Variants in KHDRBS1 observed in about 807,000 individuals in gnomAD.
KHDRBS1 encodes KH RNA binding domain containing, signal transduction associated 1.
A neutral mutation model predicts 48.4 loss-of-function variants in KHDRBS1; 7 were observed. The observed-to-expected ratio is 0.14, with a 90% CI of 0.08 to 0.27. The LOEUF (loss-of-function observed/expected upper bound fraction) is 0.27, where lower values mean the gene tolerates loss of function less well. Ranked by LOEUF, KHDRBS1 falls within the 10% of genes least tolerant of loss-of-function variation. The probability of loss-of-function intolerance (pLI) is 1.00; values close to 1 mark genes in which losing one functional copy is unlikely to be tolerated. For synonymous variants in KHDRBS1, 241 were observed against 235.8 expected, an observed-to-expected ratio of 1.02 and a Z score of -0.20; for missense variants, 458 against 601.2, an observed-to-expected ratio of 0.76 and a Z score of 2.49.
chr1:32,025,931 T>TATA (rs1557892025), intron 1 of KHDRBS1, among the ~76,000 whole-genome samples: 11 of 144,236 alleles, frequency 7.6e-5, no homozygotes, highest in African/African-American at 1.9e-4. Context: ...ATATATATAT[T>TATA]TATTTATTTA....
chr1:32,045,496 T>C (rs1639346238), downstream of KHDRBS1: 1 of 152,630 alleles, frequency 6.6e-6, no homozygotes, highest in South Asian at 2.1e-4. Flanking sequence ...TTAATCTTTT[T>C]TGTGGTCATT....
chr1:32,033,403 G>A, intron 4 of KHDRBS1, 69 bp downstream of exon 4: 1 of 1,585,798 alleles, frequency 6.3e-7, no homozygotes, highest in Non-Finnish European at 8.6e-7. Context: ...TGTGAAGGTA[G>A]GGGTTCTTAA....
chr1:32,030,806 A>G (rs1569789975), intron 2 of KHDRBS1, among the ~76,000 whole-genome samples: 1 of 152,040 alleles, frequency 6.6e-6, no homozygotes, highest in Non-Finnish European at 1.5e-5. Flanking sequence ...TTTTCTTACT[A>G]AAAGTTTACT....
intron 1 of KHDRBS1, among the ~76,000 whole-genome samples, chr1:32,021,751 G>GT (rs1638862632): frequency 6.6e-6 from 1 of 151,284 alleles, no homozygotes; most frequent in Non-Finnish European, 1.5e-5. Flanking sequence ...CAAGTAACTG[G>GT]GATTACAGGC....
chr1:32,028,825 ACT>A lies in KHDRBS1; in HGVS notation c.383-1469_383-1468del, dbSNP rs1256809543. On this transcript the variant is annotated intron_variant, in intron 1 of 8. Coordinates refer to ENST00000327300, the MANE Select transcript of KHDRBS1 (RefSeq NM_006559.3). ...TGGCCTATTTTTTTTTTTTTTAACT[ACT>A]CTCAGTGGATCATATAAGCTTTCAG... 1.4e-3 allele frequency among the ~76,000 whole-genome samples: 206 copies of A among 144,330 alleles called. 1 individual carries two copies. The highest frequency in any genetic ancestry group is 5.1e-3 in the African/African-American group (197 of 38,952). The allele number at this position is 144,330 out of a possible 152,430, so 94.7% of individuals were successfully genotyped here. A position where few individuals can be genotyped will look rare whatever the true frequency, so the allele number is the denominator to read the frequency against.
At chr1:32,016,064 G>A in intron 1 of KHDRBS1, among the ~76,000 whole-genome samples, 1 of 151,952 alleles carries the variant, frequency 6.6e-6, no homozygotes, top group Non-Finnish European at 1.5e-5. Flanking sequence ...TGTGATCCCA[G>A]CTACTTTGGA....
chr1:32,052,705 T>C (rs1050900707), intron 10 of KHDRBS1: 6 of 152,114 alleles, frequency 3.9e-5, no homozygotes, highest in Non-Finnish European at 8.8e-5. Context: ...CCGAGTGGTT[T>C]CTTTTCACAT....
Position 32,014,090 on chromosome 1 carries a change from A to C in KHDRBS1, c.95A>C (p.Gln32Pro). Residue 32 changes from glutamine (Q) to proline (P), a missense_variant, in exon 1 of 9, where the codon CAG becomes CCG. Coordinates refer to ENST00000327300, the MANE Select transcript of KHDRBS1 (RefSeq NM_006559.3). The part of the protein sequence containing the change: ...DPSGAHPSVR[Q>P]TPSRQPPLPH... ...TCCGGTGCCCACCCCTCGGTGCGTC[A>C]GACGCCGTCTCGGCAGCCGCCGCTG... 1.4e-6 allele frequency: 2 copies of C among 1,457,858 alleles called. No homozygotes were observed. The highest frequency in any genetic ancestry group is 1.8e-6 in the Non-Finnish European group (2 of 1,109,072). The allele number at this position is 1,457,858 out of a possible 1,614,324, so 90.3% of individuals were successfully genotyped here.
intron 7 of KHDRBS1, among the ~76,000 whole-genome samples, 193 bp from the exon 8 acceptor site, chr1:32,039,322 A>G (rs1378216901): frequency 2.0e-5 from 3 of 152,168 alleles, no homozygotes; most frequent in South Asian, 2.1e-4. Flanking sequence ...TTTCTTTGCA[A>G]TAGTTGTCAA....
intron 10 of KHDRBS1, among the ~76,000 whole-genome samples, chr1:32,055,727 G>T (rs1639473230): frequency 2.6e-5 from 4 of 152,098 alleles, no homozygotes; most frequent in Admixed American, 1.3e-4. Context: ...AGGAGCACAA[G>T]CCTATGGGGG....
At chr1:32,054,276 G>A (rs1295146914) in intron 10 of KHDRBS1, among the ~76,000 whole-genome samples, 1 of 152,128 alleles carries the variant, frequency 6.6e-6, no homozygotes, top group Non-Finnish European at 1.5e-5. Context: ...CGGCAAGGTA[G>A]GGAAAATAAG....
At chr1:32,029,957 T>G (rs1189399810) in intron 1 of KHDRBS1, among the ~76,000 whole-genome samples, 1 of 152,202 alleles carries the variant, frequency 6.6e-6, no homozygotes, top group Non-Finnish European at 1.5e-5. Context: ...TTATACTTTG[T>G]CTTGATGCAG....
intron 1 of KHDRBS1, among the ~76,000 whole-genome samples, chr1:32,028,236 A>G (rs1249919408): frequency 3.3e-5 from 5 of 152,166 alleles, no homozygotes; most frequent in Non-Finnish European, 7.4e-5. Context: ...TGGACCAGCA[A>G]TATCAGAATT....
At position 32,033,193 on chromosome 1, in the gene KHDRBS1, A is replaced by G; in HGVS notation, c.630A>G (p.Glu210=). 1 of 1,613,298 alleles carries G rather than the reference A, an allele frequency of 6.2e-7. No individual in the cohort carries two copies. The highest frequency in any genetic ancestry group is 8.5e-7 in the Non-Finnish European group (1 of 1,179,230). ...KGSMRDKAKE[E]ELRKGGDPKY... ...TTCTCTGCATTTTTCCATAGGAGGA[A>G]GAGCTGCGCAAAGGTGGAGACCCCA... The change falls in exon 4 of 9, where the codon GAA becomes GAG. Residue 210 remains glutamate (E), a synonymous_variant. Transcript: ENST00000327300.
chr1:32,016,186 G>GA (rs576956025), intron 1 of KHDRBS1, among the ~76,000 whole-genome samples: 2,005 of 84,712 alleles, frequency 0.024, 25 homozygotes, highest in African/African-American at 0.051. Context: ...CTCAAAAAAG[G>GA]AAAAAAAAAA....
chr1:32,018,369 G>T (rs1248857712), intron 1 of KHDRBS1, among the ~76,000 whole-genome samples: 2 of 152,162 alleles, frequency 1.3e-5, no homozygotes, highest in African/African-American at 4.8e-5. Context: ...GCTAAGGCAG[G>T]AAGATCATTT....
At chr1:32,033,140 G>A in intron 3 of KHDRBS1, 48 bp from the exon 4 acceptor site, 2 of 1,544,752 alleles carry the variant, frequency 1.3e-6, no homozygotes, top group Non-Finnish European at 1.8e-6. Flanking sequence ...TAAAGGTGGT[G>A]TTTTCTCCCT....
At chr1:32,044,185 A>G (rs929707560), downstream of KHDRBS1, among the ~76,000 whole-genome samples, 2 of 152,194 alleles carry the variant, frequency 1.3e-5, no homozygotes, top group Non-Finnish European at 2.9e-5. Flanking sequence ...ATTGGTTTCC[A>G]TAGATAGGTC....
At chr1:32,043,915 TA>T (rs1253431705), downstream of KHDRBS1, 1 of 152,618 alleles carries the variant, frequency 6.6e-6, no homozygotes, top group Non-Finnish European at 1.5e-5. Context: ...GGGTGGACCA[TA>T]AAATAGTTTT....
Sources: allele counts gnomAD v4.1 joint callset (sites outside exome capture counted in the v4.1 genomes callset), GRCh38; gene constraint gnomAD v4.1.1; transcripts MANE v1.5; gene names NCBI Gene and HGNC (gene_info 2026-07-23, HGNC 2026-07-21).